The following ZFP64 variants were observed in gnomAD, a reference collection of about 807,000 sequenced individuals.
ZFP64 encodes zinc finger protein 64.
ZFP64 carries 14 observed loss-of-function variants against 51.6 expected under a neutral mutation model. The ratio of observed to expected loss-of-function variants is 0.27; its 90% CI spans 0.18 to 0.42. The LOEUF is 0.42. ZFP64 is among the 10% of genes least tolerant of loss of function. ZFP64 has a pLI of 1.00. For missense variants in ZFP64, 754 were observed against 906.8 expected, an observed-to-expected ratio of 0.83 and a Z score of 2.16; for synonymous variants, 375 against 361.4, an observed-to-expected ratio of 1.04 and a Z score of -0.43.
intron 2 of ZFP64, among the ~76,000 whole-genome samples, chr20:52,177,588 G>A (rs891388921): frequency 2.0e-5 from 3 of 151,982 alleles, no homozygotes; most frequent in African/African-American, 7.3e-5. Context: ...CGGAGGACGC[G>A]AGGGCAAAGG....
intron 5 of ZFP64, among the ~76,000 whole-genome samples, chr20:52,136,951 G>C (rs998840284): frequency 6.6e-6 from 1 of 152,106 alleles, no homozygotes; most frequent in African/African-American, 2.4e-5. Flanking sequence ...TTTTAGCAGA[G>C]ATGGGGTTTT....
intron 5 of ZFP64, among the ~76,000 whole-genome samples, chr20:52,123,393 G>A (rs547299105): frequency 6.6e-6 from 1 of 152,268 alleles, no homozygotes; most frequent in Admixed American, 6.5e-5. Context: ...TTTTGTGACA[G>A]GAAGTGTTAA....
At chr20:52,168,131 A>C (rs935099235) in intron 2 of ZFP64, among the ~76,000 whole-genome samples, 5 of 152,184 alleles carry the variant, frequency 3.3e-5, no homozygotes, top group Non-Finnish European at 7.3e-5. Context: ...AGTAGTGATC[A>C]TATCACTCTG....
chr20:52,137,249 T>A (rs2122898638), intron 5 of ZFP64, among the ~76,000 whole-genome samples: 1 of 152,274 alleles, frequency 6.6e-6, no homozygotes, highest in East Asian at 1.9e-4. Context: ...ATCTGAGAAG[T>A]TTCAGAGATG....
At chr20:52,122,922 A>G (rs909962642) in intron 5 of ZFP64, among the ~76,000 whole-genome samples, 1 of 152,198 alleles carries the variant, frequency 6.6e-6, no homozygotes, top group Non-Finnish European at 1.5e-5. Context: ...TGTTGTTGAA[A>G]TGACAACAAA....
chr20:52,175,869 CG>C, intron 2 of ZFP64: 35 of 788,566 alleles, frequency 4.4e-5, no homozygotes, highest in Non-Finnish European at 5.1e-5. Context: ...CTGCCGCCCC[CG>C]CCCCCAAAAT....
intron 8 of ZFP64, among the ~76,000 whole-genome samples, chr20:52,086,146 C>T (rs897346620): frequency 1.2e-4 from 18 of 152,104 alleles, no homozygotes; most frequent in African/African-American, 4.3e-4. Context: ...AAAATATTTC[C>T]ATTCTGTCTG....
intron 5 of ZFP64, among the ~76,000 whole-genome samples, chr20:52,139,693 T>C (rs1245516566): frequency 6.6e-6 from 1 of 151,842 alleles, no homozygotes; most frequent in East Asian, 1.9e-4. Flanking sequence ...AATGGCATAA[T>C]GAGAGAGAAA....
chr20:52,174,303 T>C (rs1357591329), intron 2 of ZFP64, among the ~76,000 whole-genome samples: 2 of 151,510 alleles, frequency 1.3e-5, no homozygotes, highest in Non-Finnish European at 2.9e-5. Context: ...CTGGCCAACA[T>C]GGCAAAACTT....
intron 5 of ZFP64, among the ~76,000 whole-genome samples, chr20:52,120,814 T>C (rs1031678520): frequency 4.6e-5 from 7 of 151,824 alleles, no homozygotes; most frequent in Non-Finnish European, 7.4e-5. Flanking sequence ...GTAGCTGGGA[T>C]TACAGGCATG....
chr20:52,115,997 G>A (rs1432191869), intron 5 of ZFP64, among the ~76,000 whole-genome samples: 1 of 151,824 alleles, frequency 6.6e-6, no homozygotes, highest in Non-Finnish European at 1.5e-5. Context: ...ACCATGCCTG[G>A]CTAATATTGT....
At position 52,165,699 on chromosome 20, in the gene ZFP64, G is replaced by A. The variant is rs1982202505; in HGVS notation, c.448+165C>T. ...GAGGCAGAATGACCACAGACAGTGGGAGATAGGTTGTATGTGCTGATGTAA... is the reference window on the plus strand; with the variant it reads ...GAGGCAGAATGACCACAGACAGTGGAAGATAGGTTGTATGTGCTGATGTAA... On this transcript the variant is annotated intron_variant, in intron 3 of 5. Coordinates refer to ENST00000216923, the MANE Select transcript of ZFP64 (RefSeq NM_018197.3). 1.0e-5 allele frequency: 9 copies of A among 890,232 alleles called. No individual in the cohort carries two copies. In the South Asian group the frequency reaches 1.0e-4, roughly 10 times the overall value. 55.1% of individuals were successfully genotyped at this position (890,232 alleles called of 1,614,324 possible).
intron 5 of ZFP64, among the ~76,000 whole-genome samples, chr20:52,112,251 G>A (rs1235364953): frequency 1.3e-5 from 2 of 152,062 alleles, no homozygotes; most frequent in Admixed American, 6.6e-5. Context: ...ATGTAAACAG[G>A]TACAGAACAA....
chr20:52,098,593 A>T lies in ZFP64; in HGVS notation c.764-6T>A, dbSNP rs753547655. On this transcript the variant is annotated splice_region_variant and splice_polypyrimidine_tract_variant and intron_variant, in intron 5 of 8. Transcript: ENST00000361387. ...ATCATCATCAAGTTCTGAAGCTGAAATTGAGGCATAGTTTTGCTTAGTTTC... is the reference window on the plus strand; with the variant it reads ...ATCATCATCAAGTTCTGAAGCTGAATTTGAGGCATAGTTTTGCTTAGTTTC... The T allele has an allele frequency of 1.9e-6, 3 of 1,614,092 alleles. No homozygotes were observed. The South Asian group carries it at 3.3e-5, about 18-fold the overall frequency.
chr20:52,111,946 G>A (rs942570049), intron 5 of ZFP64, among the ~76,000 whole-genome samples: 10 of 152,014 alleles, frequency 6.6e-5, no homozygotes, highest in Non-Finnish European at 1.5e-4. Context: ...AGCTGGGATT[G>A]GTGGTGGGCA....
intron 5 of ZFP64, among the ~76,000 whole-genome samples, chr20:52,110,048 T>G (rs1978475252): frequency 6.6e-6 from 1 of 152,070 alleles, no homozygotes; most frequent in African/African-American, 2.4e-5. Flanking sequence ...GAATCCAAAT[T>G]ACACCTGTCA....
intron 7 of ZFP64, chr20:52,097,172 G>A (rs758377765): frequency 3.8e-6 from 3 of 796,370 alleles, no homozygotes; most frequent in South Asian, 2.7e-5. Context: ...ATAGCCACAG[G>A]CTCTGTGTAG....
At chr20:52,097,827 G>A (rs1021629205) in intron 6 of ZFP64, among the ~76,000 whole-genome samples, 1 of 152,118 alleles carries the variant, frequency 6.6e-6, no homozygotes, top group Admixed American at 6.5e-5. Context: ...CCCCGAGCTT[G>A]GGAGACCAAG....
rs1319219360 is a variant in ZFP64 at position 52,191,612 on chromosome 20, T to C, written c.25A>G (p.Ser9Gly). The C allele has an allele frequency of 1.3e-6, 2 of 1,589,692 alleles. No individual in the cohort carries two copies. The highest frequency in any genetic ancestry group is 8.5e-7 in the Non-Finnish European group (1 of 1,170,844). The part of the protein sequence containing the change: MNASSEGE[S>G]FAGSVQIPGG... ...TTACTTTGCACCGAGCCCGCGAAGCTCTCGCCCTCGCTGCTCGCGTTCATG... is the reference window on the plus strand; with the variant it reads ...TTACTTTGCACCGAGCCCGCGAAGCCCTCGCCCTCGCTGCTCGCGTTCATG... The change falls in exon 1 of 6, where the codon AGC (serine) becomes GGC (glycine). Residue 9 changes from serine to glycine, a missense_variant. Around this residue, in one of 3 missense-constraint regions of ZFP64, gnomAD observed 95 missense variants for 97.7 expected, o/e 0.97. Transcript: ENST00000216923. This position sits in a 1 kb window ranked among gnomAD's most constrained non-coding sequence, Gnocchi z 4.3.
Sources: allele counts gnomAD v4.1 joint callset (sites outside exome capture counted in the v4.1 genomes callset), GRCh38; gene constraint gnomAD v4.1.1; regional missense constraint gnomAD v4.1.1; non-coding constraint Gnocchi (gnomAD v3.1); transcripts MANE v1.5; gene names NCBI Gene and HGNC (gene_info 2026-07-23, HGNC 2026-07-21).